The following PLIN4 variants were observed in gnomAD, a reference collection of about 807,000 sequenced individuals.
PLIN4 encodes perilipin 4, also known as perilipin-4.
Under a neutral mutation model 52.4 loss-of-function variants are expected in PLIN4, and 57 were observed. That is an observed-to-expected ratio of 1.09 (90% CI 0.88 to 1.36). PLIN4 has a LOEUF of 1.36. Among genes scored for constraint, PLIN4 ranks in the 40% most tolerant of loss-of-function variants. The pLI is 0.00. For missense variants in PLIN4, 1,757 were observed against 1,770.3 expected (o/e 0.99, Z 0.13); for synonymous variants, 826 against 785.4 (o/e 1.05, Z -0.86).
intron 4 of PLIN4, 122 bp from the exon 5 acceptor site, chr19:4,513,823 C>T (rs543466879): frequency 9.4e-6 from 12 of 1,273,658 alleles, no homozygotes; most frequent in African/African-American, 9.0e-5. Context: ...CCAGAGGCCC[C>T]ACCTCCTCAA....
chr19:4,508,977 T>C (rs1373390061), intron 5 of PLIN4, 22 bp from the exon 6 acceptor site: 2 of 1,599,470 alleles, frequency 1.3e-6, no homozygotes, highest in African/African-American at 1.3e-5. Flanking sequence ...GGCGCACCGC[T>C]CAGTCCCGGA....
At chr19:4,507,171 G>T (rs1433370154) in intron 6 of PLIN4, among the ~76,000 whole-genome samples, 1 of 152,254 alleles carries the variant, frequency 6.6e-6, no homozygotes, top group Non-Finnish European at 1.5e-5. Context: ...CCCGGATGTT[G>T]ATGGAAAACA....
At position 4,512,016 on chromosome 19, in the gene PLIN4, A is replaced by G. The variant is rs779414690; in HGVS notation, c.1944T>C (p.Ala648=). Residue 648 remains alanine, a synonymous_variant, in exon 5 of 8, where the codon GCT becomes GCC. Coordinates refer to ENST00000301286, the MANE Select transcript of PLIN4 (RefSeq NM_001367868.2). ...GGGTCGTTTTCAGCCCAGTTTGCAC[A>G]GCCCCCTTGGCCACGTTCACGGCAC... ...VTSAVNVAKG[A]VQTGLKTTQN... 54 of 1,610,948 alleles carry G rather than the reference A, an allele frequency of 3.4e-5. No individual in the cohort carries two copies. The highest frequency in any genetic ancestry group is 5.5e-5 in the African/African-American group (4 of 73,390).
At position 4,504,727 on chromosome 19, in the gene PLIN4, G is replaced by A; in HGVS notation, c.3848C>T (p.Ala1283Val). The A allele has an allele frequency of 1.3e-6, 2 of 1,599,752 alleles. No individual in the cohort carries two copies. Among genetic ancestry groups the A allele is most frequent in the South Asian group, 2.2e-5 (2 of 90,444 alleles). Reference sequence around the variant, plus strand: ...GAGGCTGGAGACCAGGCCACTGTAGGCCGTGTGCAGCTGCCGGAGAAGGCC... The same window carrying A: ...GAGGCTGGAGACCAGGCCACTGTAGACCGTGTGCAGCTGCCGGAGAAGGCC... ...VCGLLRQLHT[A>V]YSGLVSSLQG... is the part of the protein sequence containing the mutation. Residue 1283 changes from alanine (A) to valine (V), a missense_variant, in exon 8 of 8, where the codon GCC (alanine) becomes GTC (valine). Physicochemically the swap from Ala to Val is moderately conservative, Grantham distance 64. Transcript: ENST00000301286.
Position 4,510,865 on chromosome 19 carries a change from G to T in PLIN4, c.3095C>A (p.Ala1032Asp), listed in dbSNP as rs1976282996. Residue 1032 changes from alanine to aspartate, a missense_variant, in exon 5 of 8, where the codon GCT becomes GAT. By Grantham distance (126) the Ala-to-Asp change is moderately radical (BLOSUM62 -2). Coordinates refer to ENST00000301286, the MANE Select transcript of PLIN4 (RefSeq NM_001367868.2). The part of the protein sequence containing the change: ...VLTGTKDAVS[A>D]GLMGSGNVAT... ...CACGTTCCCTGACCCCATGAGCCCA[G>T]CGGACACTGCGTCTTTGGTTCCGGT... The T allele has an allele frequency of 1.2e-6, 2 of 1,613,554 alleles. No homozygotes were observed. The highest frequency in any genetic ancestry group is 1.3e-5 in the African/African-American group (1 of 74,928).
chr19:4,518,260 C>G lies in PLIN4; in HGVS notation c.13G>C (p.Asp5His). Residue 5 changes from aspartate (D) to histidine (H), a missense_variant, in exon 2 of 8, where the codon GAC (aspartate) becomes CAC (histidine). By Grantham distance (81) the Asp-to-His change is moderately conservative. Around this residue, in one of 7 missense-constraint regions of PLIN4, gnomAD observed 332 missense variants for 310.8 expected, o/e 1.07. Transcript: ENST00000301286. MSAPDEGRRDPPKPK... is the reference protein window; with the variant it reads MSAPHEGRRDPPKPK... ...TTGGGGGGATCCCGTCTCCCTTCGT[C>G]TGGAGCAGACATAGTGAGAACGTGA... The G allele has an allele frequency of 8.1e-7, 1 of 1,233,076 alleles. No individual in the cohort carries two copies. Among genetic ancestry groups the G allele is most frequent in the Non-Finnish European group, 1.0e-6 (1 of 988,674 alleles). 76.4% of individuals were successfully genotyped at this position (1,233,076 alleles called of 1,614,324 possible). A position where few individuals can be genotyped will look rare whatever the true frequency, so the allele number is the denominator to read the frequency against.
intron 6 of PLIN4, among the ~76,000 whole-genome samples, chr19:4,507,904 C>T (rs1422704528): frequency 2.0e-5 from 3 of 152,104 alleles, no homozygotes; most frequent in African/African-American, 4.8e-5. Context: ...AGAACCTAGG[C>T]CAGAGGAAGA....
At position 4,511,690 on chromosome 19, in the gene PLIN4, G is replaced by A; in HGVS notation, c.2270C>T (p.Ser757Phe). The part of the protein sequence containing the change: ...AIQGGLDTTK[S>F]VLTGTKDAVS... The stretch of plus-strand genomic sequence containing the variant: ...AGCATCTTTAGTGCCAGTCAGGACA[G>A]ACTTTGTAGTGTCCAGGCCCCCTTG... The change falls in exon 5 of 8, where the codon TCT (serine) becomes TTT (phenylalanine). Residue 757 changes from serine (S) to phenylalanine (F), a missense_variant. Around this residue, in one of 7 missense-constraint regions of PLIN4, gnomAD observed 96 missense variants for 136.5 expected, o/e 0.70. Transcript: ENST00000301286. 1 of 1,194,140 alleles carries A rather than the reference G, an allele frequency of 8.4e-7. No individual in the cohort carries two copies. Among genetic ancestry groups the A allele is most frequent in the African/African-American group, 1.5e-5 (1 of 67,550 alleles). 74.0% of individuals were successfully genotyped at this position (1,194,140 alleles called of 1,614,324 possible). A position where few individuals can be genotyped will look rare whatever the true frequency, so the allele number is the denominator to read the frequency against.
chr19:4,510,471 G>A lies in PLIN4; in HGVS notation c.3489C>T (p.Phe1163=). ...QNELEGLGDI[F]HPMNAEEQAQ... ...CTTGCTCCTCCGCATTCATGGGGTG[G>A]AAGATGTCCCCCAGCCCCTCCAACT... The change falls in exon 5 of 8, where the codon TTC becomes TTT. Residue 1163 remains phenylalanine (F), a synonymous_variant. Coordinates refer to ENST00000301286, the MANE Select transcript of PLIN4 (RefSeq NM_001367868.2). The A allele has an allele frequency of 1.4e-6, 2 of 1,436,338 alleles. No homozygotes were observed. Among genetic ancestry groups the A allele is most frequent in the Non-Finnish European group, 1.8e-6 (2 of 1,092,186 alleles). The allele number at this position is 1,436,338 out of a possible 1,614,324, so 89.0% of individuals were successfully genotyped here.
chr19:4,503,851 C>T lies in PLIN4; in HGVS notation c.*608G>A, dbSNP rs2145238360. 6.6e-6 allele frequency: 1 copy of T among 152,382 alleles called. No homozygotes were observed. Among genetic ancestry groups the T allele is most frequent in the East Asian group, 1.9e-4 (1 of 5,190 alleles). The allele number at this position is 152,382 out of a possible 1,614,324, so 9.4% of individuals were successfully genotyped here. A position where few individuals can be genotyped will look rare whatever the true frequency, so the allele number is the denominator to read the frequency against. On this transcript the variant is annotated 3_prime_UTR_variant, in exon 8 of 8. Coordinates refer to ENST00000301286, the MANE Select transcript of PLIN4 (RefSeq NM_001367868.2). Reference sequence around the variant, plus strand: ...ACCGTGAGGCCACCCCGGGGGTCAGCAAAGGCAGTAGCAGCCTGCCTTGGG... The same window carrying T: ...ACCGTGAGGCCACCCCGGGGGTCAGTAAAGGCAGTAGCAGCCTGCCTTGGG...
Position 4,511,005 on chromosome 19 carries a change from G to A in PLIN4, c.2955C>T (p.Ala985=), listed in dbSNP as rs941462579. 1 of 1,613,026 alleles carries A rather than the reference G, an allele frequency of 6.2e-7. No individual in the cohort carries two copies. The highest frequency in any genetic ancestry group is 1.3e-5 in the African/African-American group (1 of 74,830). Residue 985 remains alanine, a synonymous_variant, in exon 5 of 8, where the codon GCC becomes GCT. Coordinates refer to ENST00000301286, the MANE Select transcript of PLIN4 (RefSeq NM_001367868.2). ...AKGTVQTGVD[A]SKAVLMGTKD... ...TGGTACCCATAAGCACAGCCTTGGA[G>A]GCGTCCACGCCGGTCTGCACGGTTC...
At position 4,511,297 on chromosome 19, in the gene PLIN4, T is replaced by A. The variant is rs1568230340; in HGVS notation, c.2663A>T (p.Lys888Met). The A allele has an allele frequency of 1.2e-6, 2 of 1,610,496 alleles. No homozygotes were observed. Among genetic ancestry groups the A allele is most frequent in the Admixed American group, 3.3e-5 (2 of 59,708 alleles). The change falls in exon 5 of 8, where the codon AAG (lysine) becomes ATG (methionine). Residue 888 changes from lysine to methionine, a missense_variant. By Grantham distance (95) the Lys-to-Met change is moderately conservative (BLOSUM62 -1). Transcript: ENST00000301286. ...ATCTTTAGTGCCAGTCAGGACAGAC[T>A]TTGTAGTGTCCAGGCCCCCCTGGAC... ...GAVQGGLDTT[K>M]SVLTGTKDAV...
In PLIN4 at chr19:4,511,501, G is replaced by A. The variant is rs544718313; in HGVS notation, c.2459C>T (p.Thr820Met). 4.8e-5 allele frequency: 73 copies of A among 1,525,236 alleles called. 3 individuals carry two copies. The highest frequency in any genetic ancestry group is 4.8e-4 in the Admixed American group (27 of 56,716). 94.5% of individuals were successfully genotyped at this position (1,525,236 alleles called of 1,614,324 possible). ...GGTACCGGTCAGCACGGTCTTGGCCGTGTCTACACCCATCTGGACGGCCCC... is the reference window on the plus strand; with the variant it reads ...GGTACCGGTCAGCACGGTCTTGGCCATGTCTACACCCATCTGGACGGCCCC... The part of the protein sequence containing the change: ...AKGAVQMGVD[T>M]AKTVLTGTKD... The change falls in exon 5 of 8, where the codon ACG (threonine) becomes ATG (methionine). Residue 820 changes from threonine (T) to methionine (M), a missense_variant. Coordinates refer to ENST00000301286, the MANE Select transcript of PLIN4 (RefSeq NM_001367868.2).
Position 4,504,319 on chromosome 19 carries a change from C to A in PLIN4, c.*140G>T, listed in dbSNP as rs1274713549. On this transcript the variant is annotated 3_prime_UTR_variant, in exon 8 of 8. Coordinates refer to ENST00000301286, the MANE Select transcript of PLIN4 (RefSeq NM_001367868.2). ...GAAGGTCACTGCCTCCGCAGCCCCT[C>A]GGCGCTCAGCCAGCTGCAGCCCCAA... 1.1e-6 allele frequency: 1 copy of A among 877,732 alleles called. No homozygotes were observed. Among genetic ancestry groups the A allele is most frequent in the South Asian group, 2.1e-5 (1 of 48,294 alleles). 54.4% of individuals were successfully genotyped at this position (877,732 alleles called of 1,614,324 possible).
At chr19:4,508,299 C>G (rs567131977) in intron 6 of PLIN4, among the ~76,000 whole-genome samples, 1 of 152,286 alleles carries the variant, frequency 6.6e-6, no homozygotes, top group African/African-American at 2.4e-5. Context: ...CTCTGTCGCC[C>G]AGGCTGGAGT....
At chr19:4,510,243 G>A (rs1351077554) in intron 5 of PLIN4, among the ~76,000 whole-genome samples, 5 of 151,740 alleles carry the variant, frequency 3.3e-5, no homozygotes, top group African/African-American at 1.2e-4. Context: ...GTGGGCGCCT[G>A]TAGTCCCAGC....
chr19:4,513,562 G>T lies in PLIN4; in HGVS notation c.398C>A (p.Thr133Lys). 1.9e-6 allele frequency: 3 copies of T among 1,606,590 alleles called. No homozygotes were observed. Among genetic ancestry groups the T allele is most frequent in the South Asian group, 1.1e-5 (1 of 90,350 alleles). The change falls in exon 5 of 8, where the codon ACG becomes AAG. Residue 133 changes from threonine to lysine, a missense_variant. By Grantham distance (78) the Thr-to-Lys change is moderately conservative. This residue lies in a region of PLIN4 where 332 missense variants were observed against 310.8 expected (regional missense o/e 1.07). Transcript: ENST00000301286. ...GCTGGACACCACCTCCTTGGTGCCC[G>T]TAAGTGCAGACCGAGTGGTGTCCAG... ...GGLDTTRSAL[T>K]GTKEVVSSGV... is the part of the protein sequence containing the mutation.
In PLIN4 at chr19:4,511,250, C is replaced by T. The variant is rs777252501; in HGVS notation, c.2710G>A (p.Gly904Arg). ...GTCCCTTTGGCCAAGTTCACAGCCC[C>T]TGTGAGCCCAGTGGACACGGCATCT... ...TKDAVSTGLT[G>R]AVNLAKGTVQ... is the part of the protein sequence containing the mutation. Residue 904 changes from glycine to arginine, a missense_variant, in exon 5 of 8, where the codon GGG (glycine) becomes AGG (arginine). Gly to Arg is a moderately radical substitution (Grantham distance 125). Around this residue, in one of 7 missense-constraint regions of PLIN4, gnomAD observed 712 missense variants for 637.1 expected, o/e 1.12. Transcript: ENST00000301286. The T allele has an allele frequency of 1.1e-5, 17 of 1,611,064 alleles. No homozygotes were observed. The highest frequency in any genetic ancestry group is 5.5e-5 in the South Asian group (5 of 90,908).
rs572380618 is a variant in PLIN4 at position 4,510,361 on chromosome 19, G to A, written c.3514+85C>T. On this transcript the variant is annotated intron_variant, in intron 5 of 7. Coordinates refer to ENST00000301286, the MANE Select transcript of PLIN4 (RefSeq NM_001367868.2). ...AGCCTGGGCAACAGAGCACGACTCTGTCTCAAAAAAAAAAACAAAACAGTC... is the reference window on the plus strand; with the variant it reads ...AGCCTGGGCAACAGAGCACGACTCTATCTCAAAAAAAAAAACAAAACAGTC... 725 of 1,250,926 alleles carry A rather than the reference G, an allele frequency of 5.8e-4. 5 individuals are homozygous for A. The African/African-American group carries it at 0.01, about 18-fold the overall frequency. 77.5% of individuals were successfully genotyped at this position (1,250,926 alleles called of 1,614,324 possible). A position where few individuals can be genotyped will look rare whatever the true frequency, so the allele number is the denominator to read the frequency against.
Sources: allele counts gnomAD v4.1 joint callset (sites outside exome capture counted in the v4.1 genomes callset), GRCh38; gene constraint gnomAD v4.1.1; regional missense constraint gnomAD v4.1.1; transcripts MANE v1.5; gene names NCBI Gene and HGNC (gene_info 2026-07-23, HGNC 2026-07-21).